Variants in REEP5 observed in about 807,000 individuals in gnomAD.
The protein encoded by REEP5 is receptor accessory protein 5.
A neutral mutation model predicts 22.4 loss-of-function variants in REEP5; 24 were observed. The observed-to-expected ratio is 1.07, with a 90% CI of 0.78 to 1.51. The LOEUF (loss-of-function observed/expected upper bound fraction) is 1.51, where lower values mean the gene tolerates loss of function less well. REEP5 is among the 40% of genes most tolerant of loss of function. The pLI is 0.00. For synonymous variants in REEP5, 103 were observed against 88.6 expected (o/e 1.16, Z -0.92); for missense variants, 252 against 233.0 (o/e 1.08, Z -0.53).
At chr5:112,908,963 G>A (rs1044480782) in intron 2 of REEP5, among the ~76,000 whole-genome samples, 3 of 149,960 alleles carry the variant, frequency 2.0e-5, no homozygotes, top group Non-Finnish European at 4.4e-5. Flanking sequence ...CCCACAAAGA[G>A]ACACACAAGG....
At chr5:112,887,926 CTTT>C (rs879602180) in intron 3 of REEP5, among the ~76,000 whole-genome samples, 3 of 152,176 alleles carry the variant, frequency 2.0e-5, no homozygotes, top group Non-Finnish European at 4.4e-5. Flanking sequence ...CAATTTACTC[CTTT>C]TTAAGATAAA....
chr5:112,879,326 G>GC (rs1767995178), intron 4 of REEP5, among the ~76,000 whole-genome samples: 1 of 236 alleles, frequency 4.2e-3, no homozygotes, highest in Non-Finnish European at 5.9e-3. Context: ...ATATGTGTTT[G>GC]GGGGGGGGGG....
At position 112,878,817 on chromosome 5, in the gene REEP5, T is replaced by G. The variant is rs1580724951; in HGVS notation, c.539A>C (p.Asn180Thr). The G allele has an allele frequency of 6.2e-7, 1 of 1,614,132 alleles. No homozygotes were observed. The highest frequency in any genetic ancestry group is 1.1e-5 in the South Asian group (1 of 91,078). The change falls in exon 5 of 5, where the codon AAT becomes ACT. Residue 180 changes from asparagine (N) to threonine (T), a missense_variant. Transcript: ENST00000379638. ...ITKEAKKATVNLLGEEKKST is the reference protein window; with the variant it reads ...ITKEAKKATVTLLGEEKKST ...GCTCTTCTTTTCTTCACCCAGTAAA[T>G]TCACGGTAGCTTTCTTCGCTGTTTG...
rs1315026998 is a variant in REEP5 at position 112,877,970 on chromosome 5, T to C, written c.*816A>G. The C allele has an allele frequency of 6.8e-6, 1 of 147,424 alleles. No homozygotes were observed. Among genetic ancestry groups the C allele is most frequent in the Non-Finnish European group, 1.5e-5 (1 of 66,946 alleles). The allele number at this position is 147,424 out of a possible 1,614,324, so 9.1% of individuals were successfully genotyped here. A position where few individuals can be genotyped will look rare whatever the true frequency, so the allele number is the denominator to read the frequency against. On this transcript the variant is annotated 3_prime_UTR_variant, in exon 5 of 5. Transcript: ENST00000379638. ...ACTAGTTTTTCAGGGAATTGAGAGT[T>C]ACAGGTTACTCTGTGTGTGTGTGTG...
At chr5:112,901,907 G>T (rs1418627854) in intron 3 of REEP5, among the ~76,000 whole-genome samples, 1 of 148,910 alleles carries the variant, frequency 6.7e-6, no homozygotes, top group Non-Finnish European at 1.5e-5. Context: ...AGGTTGCAGT[G>T]AGCCAAGATC....
chr5:112,893,088 TG>T, intron 3 of REEP5: 1 of 918,838 alleles, frequency 1.1e-6, no homozygotes, highest in South Asian at 1.7e-5. Flanking sequence ...AAACTAGTTT[TG>T]TTCTTAAAAA....
intron 4 of REEP5, among the ~76,000 whole-genome samples, chr5:112,879,566 C>T (rs193237910): frequency 0.017 from 2,612 of 152,224 alleles, 28 homozygotes; most frequent in Middle Eastern, 0.037. Context: ...CTCTGCCTCC[C>T]GGGTTCATGC....
chr5:112,892,123 G>A, intron 3 of REEP5: 2 of 1,614,150 alleles, frequency 1.2e-6, no homozygotes, highest in Non-Finnish European at 1.7e-6. Flanking sequence ...GCAAAACCCA[G>A]AACCACCCGT....
At chr5:112,893,615 A>G (rs1374452399) in intron 3 of REEP5, 2 of 152,986 alleles carry the variant, frequency 1.3e-5, no homozygotes, top group African/African-American at 2.4e-5. Flanking sequence ...GACTTGGGAA[A>G]GCATGACAGT....
At chr5:112,915,929 T>C (rs997612243) in intron 2 of REEP5, among the ~76,000 whole-genome samples, 4 of 146,628 alleles carry the variant, frequency 2.7e-5, no homozygotes, top group Non-Finnish European at 6.0e-5. Context: ...CCCCTACTAA[T>C]GAGTCCAAGA....
At chr5:112,919,625 T>C (rs570781037) in intron 2 of REEP5, among the ~76,000 whole-genome samples, 1 of 152,190 alleles carries the variant, frequency 6.6e-6, no homozygotes, top group East Asian at 1.9e-4. Flanking sequence ...CGTGTCCTTA[T>C]AAAAGAGGCT....
intron 4 of REEP5, among the ~76,000 whole-genome samples, chr5:112,886,346 T>C (rs1768243463): frequency 6.6e-6 from 1 of 152,070 alleles, no homozygotes; most frequent in South Asian, 2.1e-4. Context: ...TTCTAAAGAG[T>C]GGTAGTTTGC....
At chr5:112,885,692 C>G (rs1768222071) in intron 4 of REEP5, 1 of 308,542 alleles carries the variant, frequency 3.2e-6, no homozygotes, top group African/African-American at 2.3e-5. Flanking sequence ...TAACCAGCCT[C>G]CCTTTCTCTG....
At position 112,876,553 on chromosome 5, in the gene REEP5, A is replaced by T. The variant is rs1367697369; in HGVS notation, c.*2233T>A. 1 of 152,186 alleles carries T rather than the reference A, an allele frequency of 6.6e-6. No individual in the cohort carries two copies. Among genetic ancestry groups the T allele is most frequent in the Admixed American group, 6.5e-5 (1 of 15,272 alleles). The allele number at this position is 152,186 out of a possible 1,614,324, so 9.4% of individuals were successfully genotyped here. On this transcript the variant is annotated 3_prime_UTR_variant, in exon 5 of 5. Coordinates refer to ENST00000379638, the MANE Select transcript of REEP5 (RefSeq NM_005669.5). ...ATCCAAATGATTGAAGCCTTCAGGT[A>T]AGGGAATAACTGCTGCAGGAATTCT... is the stretch of plus-strand genomic sequence containing the variant.
rs368243392 is a variant in REEP5 at position 112,891,809 on chromosome 5, T to C, written c.352-4626A>G. On this transcript the variant is annotated intron_variant, in intron 3 of 4. Transcript: ENST00000379638. ...TCACAGGAGGAGGAAGAGGACACTT[T>C]TATTGAAGAACAACAACTAGAAGAA... 4 of 1,598,902 alleles carry C rather than the reference T, an allele frequency of 2.5e-6. No individual in the cohort carries two copies. The African/African-American group carries it at 5.4e-5, about 21-fold the overall frequency.
At chr5:112,900,066 A>G (rs1384133811) in intron 3 of REEP5, among the ~76,000 whole-genome samples, 4 of 152,234 alleles carry the variant, frequency 2.6e-5, no homozygotes, top group Admixed American at 6.5e-5. Context: ...CTGCCAGTTT[A>G]ATGAACAAAA....
At chr5:112,922,000 C>A in intron 1 of REEP5, 73 bp downstream of exon 1, 1 of 1,522,654 alleles carries the variant, frequency 6.6e-7, no homozygotes, top group Non-Finnish European at 8.8e-7. Flanking sequence ...CCTCTCCCTG[C>A]TTCCTTCCCC....
intron 2 of REEP5, among the ~76,000 whole-genome samples, chr5:112,906,258 CAT>C (rs919767951): frequency 6.6e-6 from 1 of 152,194 alleles, no homozygotes; most frequent in Non-Finnish European, 1.5e-5. Context: ...AGAGAAATAA[CAT>C]GTGCAGGGCA....
rs577578535 is a variant in REEP5, at chr5:112,909,870, G to A, written c.213-7352C>T. Among the ~76,000 whole-genome samples the A allele has an allele frequency of 3.9e-5, 6 of 152,312 alleles. No homozygotes were observed. In the South Asian group the frequency reaches 8.3e-4, roughly 21 times the overall value. On this transcript the variant is annotated intron_variant, in intron 2 of 4. Coordinates refer to ENST00000379638, the MANE Select transcript of REEP5 (RefSeq NM_005669.5). Reference sequence around the variant, plus strand: ...CAAGGTTGAGCAGAGATGATTCTGGGCTGGAATCTCCTTCCCAAATTAAGT... The same window carrying A: ...CAAGGTTGAGCAGAGATGATTCTGGACTGGAATCTCCTTCCCAAATTAAGT...
Sources: allele counts gnomAD v4.1 joint callset (sites outside exome capture counted in the v4.1 genomes callset), GRCh38; gene constraint gnomAD v4.1.1; transcripts MANE v1.5; gene names NCBI Gene and HGNC (gene_info 2026-07-23, HGNC 2026-07-21).